SREBF2: variants seen among roughly 807,000 people sequenced by gnomAD.
SREBF2 encodes the protein sterol regulatory element binding transcription factor 2.
Under a neutral mutation model 113.1 loss-of-function variants are expected in SREBF2, and 55 were observed. That is an observed-to-expected ratio of 0.49 (90% CI 0.39 to 0.61). SREBF2 has a LOEUF of 0.61. Among genes scored for constraint, SREBF2 ranks in the 20% least tolerant of loss-of-function variants. The probability of loss-of-function intolerance (pLI) is 0.00; values close to 1 mark genes in which losing one functional copy is unlikely to be tolerated. For synonymous variants in SREBF2, 593 were observed against 605.7 expected (o/e 0.98, Z 0.31); for missense variants, 1,349 against 1,487.4 (o/e 0.91, Z 1.53).
At chr22:41,841,350 C>T (rs1248291570) in intron 1 of SREBF2, among the ~76,000 whole-genome samples, 1 of 152,238 alleles carries the variant, frequency 6.6e-6, no homozygotes, top group African/African-American at 2.4e-5. Flanking sequence ...GTTGAAAGAG[C>T]TGCTGTTGTC....
At chr22:41,846,096 CTG>C (rs2076874575) in intron 1 of SREBF2, among the ~76,000 whole-genome samples, 1 of 152,218 alleles carries the variant, frequency 6.6e-6, no homozygotes, top group African/African-American at 2.4e-5. Context: ...CTCTTGATAA[CTG>C]TGCTGTTCGT....
Position 41,833,165 on chromosome 22 carries a change from G to A in SREBF2, c.-106G>A, listed in dbSNP as rs1279396609. The A allele has an allele frequency of 9.7e-6, 8 of 823,930 alleles. No homozygotes were observed. The highest frequency in any genetic ancestry group is 1.8e-5 in the African/African-American group (1 of 55,582). The allele number at this position is 823,930 out of a possible 1,614,324, so 51.0% of individuals were successfully genotyped here. ...GCGGCGGGTGGCACCCGTCGGTGAGGCGGTGCCGGGCGGGGGTTGTCGGGT... is the reference window on the plus strand; with the variant it reads ...GCGGCGGGTGGCACCCGTCGGTGAGACGGTGCCGGGCGGGGGTTGTCGGGT... On this transcript the variant is annotated 5_prime_UTR_variant, in exon 1 of 19. Transcript: ENST00000361204. The surrounding 1 kb of genome is among the most constrained non-coding windows in gnomAD (Gnocchi z 4.1).
chr22:41,873,054 A>G (rs2077161460), intron 4 of SREBF2, among the ~76,000 whole-genome samples: 1 of 152,008 alleles, frequency 6.6e-6, no homozygotes, highest in East Asian at 1.9e-4. Flanking sequence ...AAAATTAGCC[A>G]GGCATGGTGG....
Position 41,846,199 on chromosome 22 carries a change from C to T in SREBF2, c.88+12841C>T, listed in dbSNP as rs772762264. On this transcript the variant is annotated intron_variant, in intron 1 of 18. Coordinates refer to ENST00000361204, the MANE Select transcript of SREBF2 (RefSeq NM_004599.4). The stretch of plus-strand genomic sequence containing the variant: ...ATTCTTGGTGATAAGCAGCAGAAAC[C>T]GCTTCTATCTAGCTTGAACAGAAAA... Among the ~76,000 whole-genome samples, 23 of 152,286 alleles carry T rather than the reference C, an allele frequency of 1.5e-4. No individual in the cohort carries two copies. In the Middle Eastern group the frequency reaches 0.024, roughly 158 times the overall value.
chr22:41,868,696 C>T lies in SREBF2; in HGVS notation c.624C>T (p.Ala208=). The T allele has an allele frequency of 6.2e-7, 1 of 1,614,218 alleles. No homozygotes were observed. Among genetic ancestry groups the T allele is most frequent in the East Asian group, 2.2e-5 (1 of 44,890 alleles). Reference sequence around the variant, plus strand: ...AGCAGCAGGTGCAGACAGTACAGGCCCAGCGGGTGCTGACACAAACGGCCA... The same window carrying T: ...AGCAGCAGGTGCAGACAGTACAGGCTCAGCGGGTGCTGACACAAACGGCCA... ...TIQQQVQTVQ[A]QRVLTQTANG... Residue 208 remains alanine, a synonymous_variant, in exon 3 of 19, where the codon GCC becomes GCT. Coordinates refer to ENST00000361204, the MANE Select transcript of SREBF2 (RefSeq NM_004599.4).
intron 2 of SREBF2, among the ~76,000 whole-genome samples, chr22:41,867,623 A>T (rs561308322): frequency 6.6e-6 from 1 of 152,154 alleles, no homozygotes; most frequent in Non-Finnish European, 1.5e-5. Context: ...TGGCTAACTC[A>T]GTGAAACCCC....
Position 41,905,509 on chromosome 22 carries a change from C to CCCTCTCCTTCCTCT in SREBF2, c.3280_3293dup (p.Gly1100SerfsTer34). ...ATCCTGCTGGCCTGCCGCCACCTGC[C>CCCTCTCCTTCCTCT]CCTCTCCTTCCTCTCCTCCCCGGGC... is the stretch of plus-strand genomic sequence containing the variant. On this transcript the variant is annotated frameshift_variant, in exon 19 of 19. Coordinates refer to ENST00000361204, the MANE Select transcript of SREBF2 (RefSeq NM_004599.4). LOFTEE classifies it high-confidence loss of function. The CCCTCTCCTTCCTCT allele has an allele frequency of 6.3e-7, 1 of 1,582,764 alleles. No individual in the cohort carries two copies. The highest frequency in any genetic ancestry group is 8.6e-7 in the Non-Finnish European group (1 of 1,164,890).
At chr22:41,902,931 C>CG (rs2077476760) in intron 16 of SREBF2, 39 bp from the exon 17 acceptor site, 3 of 1,586,302 alleles carry the variant, frequency 1.9e-6, no homozygotes, top group Admixed American at 3.5e-5. Flanking sequence ...AGGGATGGGC[C>CG]AGTCACCTGT....
At chr22:41,849,750 T>C (rs1449666785) in intron 1 of SREBF2, among the ~76,000 whole-genome samples, 1 of 152,156 alleles carries the variant, frequency 6.6e-6, no homozygotes, top group Non-Finnish European at 1.5e-5. Context: ...ATACAGCCAG[T>C]CAAAAATACC....
At chr22:41,868,235 A>G (rs890205276) in intron 2 of SREBF2, among the ~76,000 whole-genome samples, 1 of 152,162 alleles carries the variant, frequency 6.6e-6, no homozygotes, top group Non-Finnish European at 1.5e-5. Context: ...TAAAGGCAAA[A>G]AGCTGAGACA....
chr22:41,900,624 C>T (rs748852534), intron 16 of SREBF2, 126 bp downstream of exon 16: 1 of 1,009,454 alleles, frequency 9.9e-7, no homozygotes, highest in Non-Finnish European at 1.4e-6. Context: ...AGGACAGCAG[C>T]CCCCTTTCAA....
At chr22:41,861,380 G>A (rs1337264489) in intron 1 of SREBF2, among the ~76,000 whole-genome samples, 2 of 151,964 alleles carry the variant, frequency 1.3e-5, no homozygotes, top group Non-Finnish European at 2.9e-5. Context: ...TACTCAGTGG[G>A]ATTACACCGG....
At chr22:41,880,569 T>C in intron 9 of SREBF2, 147 bp from the exon 10 acceptor site, 1 of 1,083,864 alleles carries the variant, frequency 9.2e-7, no homozygotes, top group South Asian at 1.3e-5. Context: ...TTTGTTTTAC[T>C]TTCTTGTAGC....
At chr22:41,848,277 C>T (rs547749150) in intron 1 of SREBF2, among the ~76,000 whole-genome samples, 12 of 152,062 alleles carry the variant, frequency 7.9e-5, no homozygotes, top group African/African-American at 2.7e-4. Flanking sequence ...TTAGTAGAGA[C>T]GGAGTTTCAC....
intron 1 of SREBF2, among the ~76,000 whole-genome samples, chr22:41,859,799 CTTTTTTTTTTTTT>C (rs1174473976): frequency 0.011 from 611 of 54,382 alleles, 16 homozygotes; most frequent in South Asian, 0.022. Context: ...TATGGTGATT[CTTTTTTTTTTTTT>C]TTTTTTTTTT....
chr22:41,837,892 T>C (rs1414622375), intron 1 of SREBF2, among the ~76,000 whole-genome samples: 1 of 146,488 alleles, frequency 6.8e-6, no homozygotes, highest in Non-Finnish European at 1.5e-5. Context: ...AAGAAAGAAA[T>C]ACCCAGATTT....
intron 1 of SREBF2, among the ~76,000 whole-genome samples, chr22:41,856,717 T>C (rs543942500): frequency 6.6e-6 from 1 of 152,026 alleles, no homozygotes; most frequent in South Asian, 2.1e-4. Context: ...GGGTGGGAAG[T>C]GAAAACCTTT....
At chr22:41,841,267 C>A (rs549979195) in intron 1 of SREBF2, among the ~76,000 whole-genome samples, 4 of 152,292 alleles carry the variant, frequency 2.6e-5, no homozygotes, top group Non-Finnish European at 5.9e-5. Context: ...TGCTTTTCAT[C>A]CCTTTTGTAC....
intron 16 of SREBF2, chr22:41,900,831 C>A: frequency 2.0e-6 from 1 of 511,840 alleles, no homozygotes. Flanking sequence ...GCGTGACTTC[C>A]CAGGCCTCTG....
Sources: allele counts gnomAD v4.1 joint callset (sites outside exome capture counted in the v4.1 genomes callset), GRCh38; gene constraint gnomAD v4.1.1; non-coding constraint Gnocchi (gnomAD v3.1); transcripts MANE v1.5; gene names NCBI Gene and HGNC (gene_info 2026-07-23, HGNC 2026-07-21).